CHCHD7: variants seen among roughly 807,000 people sequenced by gnomAD.
CHCHD7 encodes coiled-coil-helix-coiled-coil-helix domain-containing protein 7.
In CHCHD7, 7 loss-of-function variants were observed where a neutral mutation model predicts 10.5. The observed-to-expected ratio is 0.67, with a 90% CI of 0.38 to 1.25. The LOEUF is 1.25. CHCHD7 is among the 50% of genes most tolerant of loss of function. The probability of loss-of-function intolerance (pLI) is 0.02; values close to 1 mark genes in which losing one functional copy is unlikely to be tolerated. For missense variants in CHCHD7, 100 were observed against 104.5 expected (o/e 0.96, Z 0.19); for synonymous variants, 40 against 36.0 (o/e 1.11, Z -0.40).
Position 56,217,514 on chromosome 8 carries a change from T to C in CHCHD7, c.*79T>C, listed in dbSNP as rs1813427615. The C allele has an allele frequency of 3.5e-6, 3 of 868,228 alleles. No homozygotes were observed. Among genetic ancestry groups the C allele is most frequent in the Non-Finnish European group, 5.6e-6 (3 of 535,544 alleles). The allele number at this position is 868,228 out of a possible 1,614,324, so 53.8% of individuals were successfully genotyped here. A position where few individuals can be genotyped will look rare whatever the true frequency, so the allele number is the denominator to read the frequency against. ...AAATGATTGCTGTAATATTTAAGAC[T>C]GTACACCCCTCACCCAGACAGACCT... On this transcript the variant is annotated 3_prime_UTR_variant, in exon 4 of 4. Transcript: ENST00000355315.
chr8:56,213,000 G>T, intron 1 of CHCHD7: 1 of 758,396 alleles, frequency 1.3e-6, no homozygotes, highest in Non-Finnish European at 2.3e-6. Flanking sequence ...ATGCAAGGTT[G>T]TCTGATCCTT....
chr8:56,216,589 G>A, intron 3 of CHCHD7, 58 bp downstream of exon 3: 1 of 1,578,392 alleles, frequency 6.3e-7, no homozygotes, highest in Non-Finnish European at 8.7e-7. Flanking sequence ...TGAAACTGAA[G>A]CCTAAAATTA....
chr8:56,215,041 G>A (rs1813260428), intron 2 of CHCHD7: 1 of 172,574 alleles, frequency 5.8e-6, no homozygotes, highest in African/African-American at 2.4e-5. Flanking sequence ...TTGACAACCT[G>A]GCTGAGAGTA....
chr8:56,214,295 T>C, intron 1 of CHCHD7: 1 of 194,678 alleles, frequency 5.1e-6, no homozygotes, highest in Non-Finnish European at 1.1e-5. Context: ...GATCTCGAAC[T>C]GCTGAGCTTA....
intron 1 of CHCHD7, chr8:56,212,889 G>A: frequency 6.2e-7 from 1 of 1,604,606 alleles, no homozygotes; most frequent in Non-Finnish European, 8.5e-7. Flanking sequence ...ACTCGAACTG[G>A]GTATATGTGA....
At chr8:56,212,788 G>C in intron 1 of CHCHD7, 2 of 997,172 alleles carry the variant, frequency 2.0e-6, no homozygotes, top group South Asian at 2.6e-5. Context: ...TCATGCAAAG[G>C]AGGGGACTTT....
At chr8:56,217,004 T>A in intron 3 of CHCHD7, 1 of 421,938 alleles carries the variant, frequency 2.4e-6, no homozygotes, top group South Asian at 2.3e-5. Flanking sequence ...TTCGCTTTGC[T>A]AAATGCACTG....
rs769715787 is a variant in CHCHD7 at position 56,217,426 on chromosome 8, G to A, written c.249G>A (p.Met83Ile). ...RDEILRAVGN[M>I]PY ...AAATCTTGAGAGCAGTGGGAAATAT[G>A]CCCTATTGAATGTTTGCATTAAAAG... Residue 83 changes from methionine to isoleucine, a missense_variant, in exon 4 of 4, where the codon ATG (methionine) becomes ATA (isoleucine). By Grantham distance (10) the Met-to-Ile change is conservative. Coordinates refer to ENST00000355315, the MANE Select transcript of CHCHD7 (RefSeq NM_001011671.3). 12 of 1,573,928 alleles carry A rather than the reference G, an allele frequency of 7.6e-6. No individual in the cohort carries two copies. In the East Asian group the frequency reaches 2.5e-4, roughly 32 times the overall value.
Position 56,216,536 on chromosome 8 carries a change from G to A in CHCHD7, c.153+5G>A. On this transcript the variant is annotated splice_donor_5th_base_variant and intron_variant, in intron 3 of 3. Transcript: ENST00000355315. Reference sequence around the variant, plus strand: ...AAAAACTGCCGGAGATTCTGGGTAAGCCTAGATTGGTTAGCTTTGTGTTAA... The same window carrying A: ...AAAAACTGCCGGAGATTCTGGGTAAACCTAGATTGGTTAGCTTTGTGTTAA... 2 of 1,614,144 alleles carry A rather than the reference G, an allele frequency of 1.2e-6. No homozygotes were observed. The highest frequency in any genetic ancestry group is 1.7e-6 in the Non-Finnish European group (2 of 1,180,012).
intron 2 of CHCHD7, 159 bp from the exon 3 acceptor site, chr8:56,216,274 T>C: frequency 8.9e-7 from 1 of 1,119,382 alleles, no homozygotes; most frequent in Non-Finnish European, 1.2e-6. Flanking sequence ...CTGGGATAGC[T>C]GGCGAGATTG....
intron 3 of CHCHD7, chr8:56,216,941 A>G: frequency 2.2e-6 from 1 of 459,644 alleles, no homozygotes; most frequent in Non-Finnish European, 4.0e-6. Flanking sequence ...TTTTTCTGAA[A>G]ACATTGGTAT....
chr8:56,214,436 C>T (rs1331088868), intron 1 of CHCHD7, 162 bp from the exon 2 acceptor site: 2 of 515,132 alleles, frequency 3.9e-6, no homozygotes, highest in Non-Finnish European at 7.0e-6. Flanking sequence ...AGGAAAAACA[C>T]GTTCAAGTTT....
At position 56,217,871 on chromosome 8, in the gene CHCHD7, G is replaced by T. The variant is rs1264162927; in HGVS notation, c.*436G>T. On this transcript the variant is annotated 3_prime_UTR_variant, in exon 4 of 4. Coordinates refer to ENST00000355315, the MANE Select transcript of CHCHD7 (RefSeq NM_001011671.3). ...TAGATTGCTCCACCTAGAATCTCAG[G>T]TGGGTGGAGCAGTGGTGGGAGAAGA... The T allele has an allele frequency of 4.3e-6, 1 of 233,544 alleles. No individual in the cohort carries two copies. Among genetic ancestry groups the T allele is most frequent in the African/African-American group, 2.2e-5 (1 of 45,276 alleles). The allele number at this position is 233,544 out of a possible 1,614,324, so 14.5% of individuals were successfully genotyped here.
At position 56,218,513 on chromosome 8, in the gene CHCHD7, CAATG is replaced by C. The variant is rs1813490184; in HGVS notation, c.*1081_*1084del. 1 of 213,836 alleles carries C rather than the reference CAATG, an allele frequency of 4.7e-6. No homozygotes were observed. The highest frequency in any genetic ancestry group is 2.3e-5 in the African/African-American group (1 of 44,186). The allele number at this position is 213,836 out of a possible 1,614,324, so 13.2% of individuals were successfully genotyped here. A position where few individuals can be genotyped will look rare whatever the true frequency, so the allele number is the denominator to read the frequency against. On this transcript the variant is annotated 3_prime_UTR_variant, in exon 4 of 4. Coordinates refer to ENST00000355315, the MANE Select transcript of CHCHD7 (RefSeq NM_001011671.3). ...AGAACATTGTTTTAATGGCTGCCGA[CAATG>C]AACTGTCTGTCTGAGTCTAAAACCA...
chr8:56,217,344 T>A lies in CHCHD7; in HGVS notation c.167T>A (p.Met56Lys). The A allele has an allele frequency of 6.2e-7, 1 of 1,607,338 alleles. No individual in the cohort carries two copies. Among genetic ancestry groups the A allele is most frequent in the Non-Finnish European group, 8.5e-7 (1 of 1,173,926 alleles). Residue 56 changes from methionine to lysine, a missense_variant, in exon 4 of 4, where the codon ATG becomes AAG. By Grantham distance (95) the Met-to-Lys change is moderately conservative. Coordinates refer to ENST00000355315, the MANE Select transcript of CHCHD7 (RefSeq NM_001011671.3). ...NCRRFWNSIV[M>K]QRRKNGVKPF... ...GCCTGTACACAGAATTCTATCGTGATGCAGAGAAGAAAGAACGGAGTGAAG... is the reference window on the plus strand; with the variant it reads ...GCCTGTACACAGAATTCTATCGTGAAGCAGAGAAGAAAGAACGGAGTGAAG...
intron 1 of CHCHD7, chr8:56,213,060 C>T: frequency 6.1e-6 from 3 of 488,474 alleles, no homozygotes; most frequent in Non-Finnish European, 1.1e-5. Context: ...GTTCTCACAT[C>T]ATAGGATAGG....
intron 3 of CHCHD7, 31 bp from the exon 4 acceptor site, chr8:56,217,300 T>C (rs1407136879): frequency 1.5e-6 from 2 of 1,378,134 alleles, no homozygotes; most frequent in African/African-American, 2.9e-5. Flanking sequence ...GATTTTGGTT[T>C]CTTCTTTTTT....
chr8:56,213,723 C>G (rs1171148294), intron 1 of CHCHD7: 1 of 152,250 alleles, frequency 6.6e-6, no homozygotes, highest in Non-Finnish European at 1.5e-5. Flanking sequence ...CCCTGACTTC[C>G]TGCAACGCAG....
chr8:56,215,102 G>A (rs1213389615), intron 2 of CHCHD7: 1 of 155,118 alleles, frequency 6.4e-6, no homozygotes, highest in Admixed American at 6.3e-5. Flanking sequence ...TTTTCACAAA[G>A]GTATCTGATA....
Sources: allele counts gnomAD v4.1 joint callset, GRCh38; gene constraint gnomAD v4.1.1; transcripts MANE v1.5; gene names NCBI Gene and HGNC (gene_info 2026-07-23, HGNC 2026-07-21).